CDH12: variants seen among roughly 807,000 people sequenced by gnomAD.
The protein encoded by CDH12 is cadherin 12.
In CDH12, 41 loss-of-function variants were observed where a neutral mutation model predicts 74.1. The observed-to-expected ratio is 0.55, with a 90% CI of 0.43 to 0.72. The LOEUF (loss-of-function observed/expected upper bound fraction) is 0.72. Ranked by LOEUF, CDH12 falls within the 30% of genes least tolerant of loss-of-function variation. The pLI, the probability that CDH12 is intolerant of heterozygous loss-of-function variation, is 0.00. For synonymous variants in CDH12, 399 were observed against 355.0 expected, an observed-to-expected ratio of 1.12 and a Z score of -1.39; for missense variants, 945 against 977.2, an observed-to-expected ratio of 0.97 and a Z score of 0.44.
At chr5:22,641,828 G>T (rs940937375) in intron 1 of CDH12, among the ~76,000 whole-genome samples, 23 of 152,046 alleles carry the variant, frequency 1.5e-4, no homozygotes, top group African/African-American at 5.6e-4. Flanking sequence ...CCTTTCTCAG[G>T]CTTCTTTATT....
chr5:22,739,631 T>G (rs3950988), intron 1 of CDH12, among the ~76,000 whole-genome samples: 45,628 of 151,924 alleles, frequency 0.3, 6,998 homozygotes, highest in South Asian at 0.35. Context: ...TCATTGGCTA[T>G]AGGTACTATG....
chr5:22,752,067 A>C (rs939782335), intron 1 of CDH12, among the ~76,000 whole-genome samples: 5 of 152,212 alleles, frequency 3.3e-5, no homozygotes, highest in African/African-American at 1.2e-4. Flanking sequence ...GAAAAGTAGC[A>C]AATCTCATAC....
At chr5:22,396,330 T>G (rs1742457235) in intron 3 of CDH12, among the ~76,000 whole-genome samples, 1 of 152,038 alleles carries the variant, frequency 6.6e-6, no homozygotes, top group African/African-American at 2.4e-5. Flanking sequence ...ATTTCTCCAG[T>G]TACTCCTGTG....
intron 3 of CDH12, among the ~76,000 whole-genome samples, chr5:22,340,975 G>A (rs1739823727): frequency 6.6e-6 from 1 of 152,152 alleles, no homozygotes; most frequent in Non-Finnish European, 1.5e-5. Flanking sequence ...CAGATTTTAT[G>A]TAACATTAAG....
intron 1 of CDH12, among the ~76,000 whole-genome samples, chr5:22,544,063 A>G (rs2126723215): frequency 6.6e-6 from 1 of 152,268 alleles, no homozygotes; most frequent in South Asian, 2.1e-4. Context: ...CAATGGAACA[A>G]AAATGGGTTC....
At chr5:22,780,302 G>A (rs1167647559) in intron 1 of CDH12, among the ~76,000 whole-genome samples, 2 of 152,094 alleles carry the variant, frequency 1.3e-5, no homozygotes, top group African/African-American at 2.4e-5. Flanking sequence ...GAGATGGGAG[G>A]TTTGCTTGAG....
At chr5:21,960,734 C>CGT (rs763897547) in intron 6 of CDH12, among the ~76,000 whole-genome samples, 3 of 151,428 alleles carry the variant, frequency 2.0e-5, no homozygotes, top group East Asian at 1.9e-4. Flanking sequence ...TACACACACA[C>CGT]GTGTGTGTGT....
At chr5:22,298,704 C>T (rs1266561966) in intron 3 of CDH12, among the ~76,000 whole-genome samples, 1 of 152,102 alleles carries the variant, frequency 6.6e-6, no homozygotes, top group East Asian at 1.9e-4. Context: ...ATGTAAATAC[C>T]TCCTAGCTGC....
intron 1 of CDH12, among the ~76,000 whole-genome samples, chr5:22,673,343 A>C (rs1202407135): frequency 6.6e-6 from 1 of 152,190 alleles, no homozygotes; most frequent in Non-Finnish European, 1.5e-5. Flanking sequence ...ATACTTAATG[A>C]ATATAAACTA....
At chr5:22,694,995 C>T (rs1046818806) in intron 1 of CDH12, among the ~76,000 whole-genome samples, 15 of 152,118 alleles carry the variant, frequency 9.9e-5, no homozygotes, top group African/African-American at 3.6e-4. Flanking sequence ...CCCCTTGCCC[C>T]CAACCCACCG....
chr5:22,266,232 C>T (rs1320206462), intron 3 of CDH12, among the ~76,000 whole-genome samples: 7 of 151,928 alleles, frequency 4.6e-5, no homozygotes, highest in Non-Finnish European at 7.4e-5. Flanking sequence ...CTCACCACCA[C>T]GACCGGCTAA....
At chr5:22,026,521 G>T (rs1340929766) in intron 5 of CDH12, among the ~76,000 whole-genome samples, 2 of 152,090 alleles carry the variant, frequency 1.3e-5, no homozygotes, top group Admixed American at 1.3e-4. Flanking sequence ...GTCAATAAAA[G>T]GGTGGCACCC....
At chr5:22,250,332 A>C (rs1214400584) in intron 3 of CDH12, among the ~76,000 whole-genome samples, 1 of 152,150 alleles carries the variant, frequency 6.6e-6, no homozygotes. Flanking sequence ...TGCTCCATTC[A>C]GCATTAGCAC....
chr5:21,897,581 T>G (rs1445108183), intron 6 of CDH12, among the ~76,000 whole-genome samples: 1 of 152,182 alleles, frequency 6.6e-6, no homozygotes, highest in Non-Finnish European at 1.5e-5. Flanking sequence ...TGTGAAATTT[T>G]GATTGTATTG....
chr5:22,322,999 C>T (rs1180565758), intron 3 of CDH12, among the ~76,000 whole-genome samples: 1 of 152,156 alleles, frequency 6.6e-6, no homozygotes, highest in Non-Finnish European at 1.5e-5. Context: ...TCCCAGTTCT[C>T]ATTTAAAATT....
At chr5:22,049,220 C>A (rs1160600082) in intron 5 of CDH12, among the ~76,000 whole-genome samples, 2 of 152,034 alleles carry the variant, frequency 1.3e-5, no homozygotes, top group Non-Finnish European at 2.9e-5. Flanking sequence ...TGGTCTATAT[C>A]TATTATCAAC....
At chr5:22,610,876 T>C (rs541424790) in intron 1 of CDH12, among the ~76,000 whole-genome samples, 1 of 152,232 alleles carries the variant, frequency 6.6e-6, no homozygotes, top group African/African-American at 2.4e-5. Context: ...AATATCATAT[T>C]AATATTACAA....
At position 21,752,005 on chromosome 5, in the gene CDH12, G is replaced by A. The variant is rs756028192; in HGVS notation, c.2117C>T (p.Pro706Leu). 1.9e-6 allele frequency: 3 copies of A among 1,614,026 alleles called. No homozygotes were observed. The highest frequency in any genetic ancestry group is 3.3e-4 in the Middle Eastern group (2 of 6,060). The change falls in exon 15 of 15, where the codon CCC (proline) becomes CTC (leucine). Residue 706 changes from proline (P) to leucine (L), a missense_variant. By Grantham distance (98) the Pro-to-Leu change is moderately conservative. This residue lies in a region of CDH12 where 791 missense variants were observed against 792.8 expected (regional missense o/e 1.00). Transcript: ENST00000382254. ...CCTTATGTCTGTGTTATCTTCCATG[G>A]GTGGTCTCTGACGAGGTAAACAGAG... ...DSLCLPRQRPPMEDNTDIRDF... is the reference protein window; with the variant it reads ...DSLCLPRQRPLMEDNTDIRDF...
chr5:22,705,547 C>A (rs1005796753), intron 1 of CDH12, among the ~76,000 whole-genome samples: 3 of 135,262 alleles, frequency 2.2e-5, no homozygotes, highest in African/African-American at 8.1e-5. Context: ...ACCAATGCAC[C>A]ATTTAGGCAC....
Sources: gnomAD v4.1 joint callset for allele counts (sites outside exome capture counted in the v4.1 genomes callset) on GRCh38, gnomAD v4.1.1 for gene constraint, gnomAD v4.1.1 regional missense constraint, MANE v1.5 for transcripts, NCBI Gene and HGNC (gene_info 2026-07-23, HGNC 2026-07-21) for gene names.